Variants in MACROD2 observed in about 807,000 individuals in gnomAD.
MACROD2 encodes ADP-ribose glycohydrolase MACROD2.
MACROD2 carries 36 observed loss-of-function variants against 70.4 expected under a neutral mutation model. That is an observed-to-expected ratio of 0.51 (90% CI 0.39 to 0.68). The LOEUF (loss-of-function observed/expected upper bound fraction) is 0.68, where lower values mean the gene tolerates loss of function less well. MACROD2 is among the 30% of genes least tolerant of loss of function. The probability of loss-of-function intolerance (pLI) is 0.00; values close to 1 mark genes in which losing one functional copy is unlikely to be tolerated. For synonymous variants in MACROD2, 172 were observed against 178.8 expected (o/e 0.96, Z 0.30); for missense variants, 496 against 538.4 (o/e 0.92, Z 0.78).
intron 9 of MACROD2, among the ~76,000 whole-genome samples, chr20:15,877,413 C>T (rs2064690875): frequency 6.6e-6 from 1 of 152,012 alleles, no homozygotes; most frequent in Non-Finnish European, 1.5e-5. Flanking sequence ...GATTTGAGTG[C>T]TCATTTTGGC....
chr20:15,765,913 G>C (rs201625884), intron 8 of MACROD2, among the ~76,000 whole-genome samples: 1 of 151,030 alleles, frequency 6.6e-6, no homozygotes, highest in South Asian at 2.1e-4. Flanking sequence ...TATACTTTTT[G>C]TTTTTGGCAT....
chr20:15,002,498 T>C (rs981068579), intron 5 of MACROD2, among the ~76,000 whole-genome samples: 2 of 152,172 alleles, frequency 1.3e-5, no homozygotes, highest in Non-Finnish European at 2.9e-5. Context: ...CCCTTATTGA[T>C]TGGTTTTCAC....
chr20:14,406,396 T>G (rs1340162784), intron 3 of MACROD2, among the ~76,000 whole-genome samples: 2 of 152,128 alleles, frequency 1.3e-5, no homozygotes, highest in Non-Finnish European at 2.9e-5. Context: ...TATATTCTTG[T>G]AAGTCAAGAT....
At chr20:15,648,930 T>C (rs1323315053) in intron 8 of MACROD2, among the ~76,000 whole-genome samples, 3 of 152,168 alleles carry the variant, frequency 2.0e-5, no homozygotes. Context: ...AAATGGCTTA[T>C]GTAATAGAGG....
intron 3 of MACROD2, among the ~76,000 whole-genome samples, chr20:14,232,380 G>C (rs2081823826): frequency 6.6e-6 from 1 of 152,212 alleles, no homozygotes; most frequent in Admixed American, 6.5e-5. Context: ...ATCCCAGATA[G>C]TGTCATCTTC....
chr20:15,825,675 A>T (rs2063990045), intron 8 of MACROD2, among the ~76,000 whole-genome samples: 1 of 152,116 alleles, frequency 6.6e-6, no homozygotes, highest in South Asian at 2.1e-4. Flanking sequence ...TACTAATGAT[A>T]TGTATTGAAT....
chr20:15,316,124 C>T (rs552306017), intron 6 of MACROD2, among the ~76,000 whole-genome samples: 3 of 141,228 alleles, frequency 2.1e-5, no homozygotes, highest in Admixed American at 7.0e-5. Flanking sequence ...AGTCAGTTAA[C>T]CCCAAAAGAA....
chr20:14,049,418 T>C (rs1005159894), intron 2 of MACROD2, among the ~76,000 whole-genome samples: 2 of 151,604 alleles, frequency 1.3e-5, no homozygotes, highest in Admixed American at 6.6e-5. Flanking sequence ...GGGGAGGTGG[T>C]GATGTGATAA....
chr20:16,025,627 G>A (rs1321304456), intron 15 of MACROD2, among the ~76,000 whole-genome samples: 1 of 152,086 alleles, frequency 6.6e-6, no homozygotes, highest in Non-Finnish European at 1.5e-5. Flanking sequence ...GCGGGTTGGG[G>A]GACATCATCA....
At chr20:14,639,544 G>T (rs147458369) in intron 4 of MACROD2, among the ~76,000 whole-genome samples, 127 of 152,216 alleles carry the variant, frequency 8.3e-4, no homozygotes, top group Non-Finnish European at 9.6e-4. Context: ...ACAGGACTGT[G>T]GTTTAGTTCA....
Position 14,280,670 on chromosome 20 carries a change from T to C in MACROD2, c.271+194942T>C, listed in dbSNP as rs114242933. On this transcript the variant is annotated intron_variant, in intron 3 of 17. Coordinates refer to ENST00000684519, the MANE Select transcript of MACROD2 (RefSeq NM_001351661.2). ...TGTGTTTGATGAAGTTCAACATTTTTAGAAAGCTCTAGCAGTTTATAAAAG... is the reference window on the plus strand; with the variant it reads ...TGTGTTTGATGAAGTTCAACATTTTCAGAAAGCTCTAGCAGTTTATAAAAG... 7.5e-3 allele frequency among the ~76,000 whole-genome samples: 1,145 copies of C among 152,334 alleles called. 13 individuals are homozygous for C. The highest frequency in any genetic ancestry group is 0.026 in the African/African-American group (1,088 of 41,590).
At chr20:14,825,354 A>G (rs1459468531) in intron 5 of MACROD2, among the ~76,000 whole-genome samples, 1 of 152,066 alleles carries the variant, frequency 6.6e-6, no homozygotes, top group African/African-American at 2.4e-5. Context: ...AGCAAACCTG[A>G]CCAGTGACAA....
intron 4 of MACROD2, among the ~76,000 whole-genome samples, chr20:14,594,248 A>G (rs543396023): frequency 8.5e-5 from 13 of 152,146 alleles, no homozygotes; most frequent in Non-Finnish European, 1.6e-4. Flanking sequence ...ATACTCACTC[A>G]TCTGTGATCT....
rs151322243 is a variant in MACROD2 at position 14,237,143 on chromosome 20, T to A, written c.271+151415T>A. 8.5e-5 allele frequency among the ~76,000 whole-genome samples: 13 copies of A among 152,302 alleles called. No homozygotes were observed. In the East Asian group the frequency reaches 2.5e-3, roughly 29 times the overall value. On this transcript the variant is annotated intron_variant, in intron 3 of 17. Coordinates refer to ENST00000684519, the MANE Select transcript of MACROD2 (RefSeq NM_001351661.2). The stretch of plus-strand genomic sequence containing the variant: ...TTGTTGCTGATGAGAAGTGTTAGTA[T>A]AATTGCTACCTCTATAACAAGCTCT...
intron 2 of MACROD2, among the ~76,000 whole-genome samples, chr20:14,078,698 G>A (rs1471152806): frequency 6.6e-6 from 1 of 152,118 alleles, no homozygotes; most frequent in African/African-American, 2.4e-5. Flanking sequence ...GTGAGCCACC[G>A]TGCCCAGCCC....
chr20:15,045,719 G>GTTTTTTTTTTTTTTTTTT (rs71335981), intron 5 of MACROD2, among the ~76,000 whole-genome samples: 3 of 73,382 alleles, frequency 4.1e-5, no homozygotes, highest in Non-Finnish European at 7.5e-5. Context: ...CCAGACCAGG[G>GTTTTTTTTTTTTTTTTTT]TTTTTTTTTT....
At chr20:14,219,718 G>A (rs773699639) in intron 3 of MACROD2, among the ~76,000 whole-genome samples, 1 of 152,194 alleles carries the variant, frequency 6.6e-6, no homozygotes, top group Non-Finnish European at 1.5e-5. Flanking sequence ...CCCACAGGGT[G>A]TTCCCTTGAT....
rs185623759 is a variant in MACROD2, at chr20:14,057,394, A to G, written c.164-28227A>G. ...CTGACAGATGGCTTATATCCATACTATGTAAACTCCTACATCAGTATAAAG... is the reference window on the plus strand; with the variant it reads ...CTGACAGATGGCTTATATCCATACTGTGTAAACTCCTACATCAGTATAAAG... On this transcript the variant is annotated intron_variant, in intron 2 of 17. Transcript: ENST00000684519. Among the ~76,000 whole-genome samples, 133 of 152,324 alleles carry G rather than the reference A, an allele frequency of 8.7e-4. 1 individual carries two copies. The highest frequency in any genetic ancestry group is 2.6e-3 in the Admixed American group (40 of 15,290).
chr20:15,639,497 C>T (rs934157382), intron 8 of MACROD2, among the ~76,000 whole-genome samples: 8 of 152,164 alleles, frequency 5.3e-5, no homozygotes, highest in African/African-American at 1.7e-4. Flanking sequence ...AAAACTCTGG[C>T]CCTGATGGAG....
Sources: gnomAD v4.1 joint callset for allele counts (sites outside exome capture counted in the v4.1 genomes callset) on GRCh38, gnomAD v4.1.1 for gene constraint, MANE v1.5 for transcripts, NCBI Gene and HGNC (gene_info 2026-07-23, HGNC 2026-07-21) for gene names.